CSMD1: variants seen among roughly 807,000 people sequenced by gnomAD.
CSMD1 encodes CUB and sushi domain-containing protein 1.
CSMD1 carries 213 observed loss-of-function variants against 417.5 expected under a neutral mutation model. The observed-to-expected ratio is 0.51, with a 90% CI of 0.46 to 0.57. The LOEUF is 0.57. Among genes scored for constraint, CSMD1 ranks in the 20% least tolerant of loss-of-function variants. The pLI is 0.00. For synonymous variants in CSMD1, 2,862 were observed against 1,736.8 expected (o/e 1.65, Z -16.11); for missense variants, 6,923 against 4,529.7 (o/e 1.53, Z -15.17).
chr8:4,331,377 G>C (rs999908760), intron 3 of CSMD1, among the ~76,000 whole-genome samples: 4 of 152,120 alleles, frequency 2.6e-5, no homozygotes, highest in African/African-American at 9.7e-5. Context: ...ACGTGTGTTT[G>C]TTGCGAGGTG....
intron 4 of CSMD1, among the ~76,000 whole-genome samples, chr8:4,010,977 C>G (rs1349212722): frequency 6.6e-6 from 1 of 152,200 alleles, no homozygotes; most frequent in African/African-American, 2.4e-5. Context: ...CTTTCTGTAT[C>G]TGTTCACTGC....
At chr8:4,611,781 T>C (rs1801188387) in intron 2 of CSMD1, among the ~76,000 whole-genome samples, 1 of 152,188 alleles carries the variant, frequency 6.6e-6, no homozygotes, top group Non-Finnish European at 1.5e-5. Flanking sequence ...AATTACTCAG[T>C]GTTCCTCTCC....
chr8:2,947,121 T>C (rs1000021147), intron 68 of CSMD1, among the ~76,000 whole-genome samples: 13 of 152,238 alleles, frequency 8.5e-5, no homozygotes, highest in Admixed American at 6.5e-4. Context: ...TGGATACAAG[T>C]CACTTATCAG....
intron 10 of CSMD1, among the ~76,000 whole-genome samples, chr8:3,559,977 T>C (rs1799399555): frequency 6.6e-6 from 1 of 152,016 alleles, no homozygotes. Flanking sequence ...TGAAGGTGGG[T>C]TTTCTGGATT....
chr8:4,135,403 A>AAAGAGGGGGAAGGAAGGGGAACGG (rs1256297422), intron 3 of CSMD1, among the ~76,000 whole-genome samples: 1 of 132,370 alleles, frequency 7.6e-6, no homozygotes, highest in Non-Finnish European at 1.6e-5. Flanking sequence ...AAGGGGAAAG[A>AAAGAGGGGGAAGGAAGGGGAACGG]GGGAAAGAGG....
chr8:4,155,816 G>C (rs901054409), intron 3 of CSMD1, among the ~76,000 whole-genome samples: 1 of 152,120 alleles, frequency 6.6e-6, no homozygotes, highest in African/African-American at 2.4e-5. Context: ...ACACAAAGCT[G>C]CAAAGTCAAT....
At chr8:4,413,173 C>T (rs547770315) in intron 3 of CSMD1, among the ~76,000 whole-genome samples, 1 of 152,132 alleles carries the variant, frequency 6.6e-6, no homozygotes, top group Non-Finnish European at 1.5e-5. Flanking sequence ...TCAGAGTTAA[C>T]ACCTTAAATT....
At chr8:4,593,519 T>C (rs946840057) in intron 2 of CSMD1, among the ~76,000 whole-genome samples, 1 of 152,184 alleles carries the variant, frequency 6.6e-6, no homozygotes, top group Non-Finnish European at 1.5e-5. Context: ...TTTTCAATTA[T>C]AAATAGCCCA....
chr8:4,523,447 C>G (rs1241716054), intron 2 of CSMD1, among the ~76,000 whole-genome samples: 1 of 152,086 alleles, frequency 6.6e-6, no homozygotes, highest in Non-Finnish European at 1.5e-5. Flanking sequence ...GTGTAAAACT[C>G]ATAATAAAGT....
rs559742545 is a variant in CSMD1 at position 4,039,266 on chromosome 8, A to C, written c.416-7167T>G. Among the ~76,000 whole-genome samples the C allele has an allele frequency of 2.0e-5, 3 of 152,298 alleles. No individual in the cohort carries two copies. The South Asian group carries it at 6.2e-4, about 32-fold the overall frequency. Reference sequence around the variant, plus strand: ...TAGTCTCCTGGTAGCTTAAGAAAATATAACTCCAAATTCCTTCATGATGTG... The same window carrying C: ...TAGTCTCCTGGTAGCTTAAGAAAATCTAACTCCAAATTCCTTCATGATGTG... On this transcript the variant is annotated intron_variant, in intron 3 of 69. Transcript: ENST00000635120.
intron 3 of CSMD1, among the ~76,000 whole-genome samples, chr8:4,163,283 A>G (rs1415444765): frequency 6.6e-6 from 1 of 152,150 alleles, no homozygotes; most frequent in Non-Finnish European, 1.5e-5. Context: ...TGTTGAGAGT[A>G]TGTTTAGTTT....
At chr8:3,974,740 AT>A (rs1813314496) in intron 5 of CSMD1, among the ~76,000 whole-genome samples, 1 of 152,018 alleles carries the variant, frequency 6.6e-6, no homozygotes, top group African/African-American at 2.4e-5. Flanking sequence ...GCAAAACTAA[AT>A]TTTGGTATAC....
intron 1 of CSMD1, among the ~76,000 whole-genome samples, chr8:4,868,243 C>A (rs550222976): frequency 6.6e-6 from 1 of 152,012 alleles, no homozygotes. Context: ...GTATTATTTT[C>A]TTTCCTTTAA....
At chr8:3,253,509 A>T (rs1032330528) in intron 26 of CSMD1, among the ~76,000 whole-genome samples, 1 of 152,090 alleles carries the variant, frequency 6.6e-6, no homozygotes, top group Non-Finnish European at 1.5e-5. Context: ...TATTCTGTTG[A>T]TTTGGGGTGG....
intron 6 of CSMD1, among the ~76,000 whole-genome samples, chr8:3,729,568 G>A (rs1366365923): frequency 6.6e-6 from 1 of 152,144 alleles, no homozygotes; most frequent in East Asian, 1.9e-4. Flanking sequence ...AAGGTATCGG[G>A]TCAGTAAGAC....
At chr8:4,315,684 A>G (rs1049751508) in intron 3 of CSMD1, among the ~76,000 whole-genome samples, 2 of 152,214 alleles carry the variant, frequency 1.3e-5, no homozygotes, top group African/African-American at 4.8e-5. Context: ...TGATGATTAT[A>G]AAATAGCCAT....
chr8:4,240,564 C>G (rs556501707), intron 3 of CSMD1, among the ~76,000 whole-genome samples: 5 of 152,166 alleles, frequency 3.3e-5, no homozygotes, highest in Admixed American at 3.3e-4. Context: ...TGCCTCCTGC[C>G]TTTTTATTTT....
At chr8:3,253,758 CTA>C (rs1800443992) in intron 26 of CSMD1, among the ~76,000 whole-genome samples, 1 of 152,032 alleles carries the variant, frequency 6.6e-6, no homozygotes, top group African/African-American at 2.4e-5. Flanking sequence ...TATTTTGAGC[CTA>C]TGTGTGTCTC....
At chr8:4,592,294 A>G (rs1800031097) in intron 2 of CSMD1, among the ~76,000 whole-genome samples, 1 of 151,720 alleles carries the variant, frequency 6.6e-6, no homozygotes, top group African/African-American at 2.4e-5. Context: ...AAAGTGGTAT[A>G]TTTACAGTGG....
Sources: gnomAD v4.1 joint callset for allele counts (sites outside exome capture counted in the v4.1 genomes callset) on GRCh38, gnomAD v4.1.1 for gene constraint, MANE v1.5 for transcripts, NCBI Gene and HGNC (gene_info 2026-07-23, HGNC 2026-07-21) for gene names.